The following GBE1 variants were observed in gnomAD, a reference collection of about 807,000 sequenced individuals.
GBE1 encodes the protein 1,4-alpha-glucan branching enzyme 1, also known as 1,4-alpha-glucan-branching enzyme.
Under a neutral mutation model 88.8 loss-of-function variants are expected in GBE1, and 70 were observed. That is an observed-to-expected ratio of 0.79 (90% CI 0.65 to 0.96). The LOEUF (loss-of-function observed/expected upper bound fraction) is 0.96. GBE1 is among the 40% of genes least tolerant of loss of function. The probability of loss-of-function intolerance (pLI) is 0.00; values close to 1 mark genes in which losing one functional copy is unlikely to be tolerated. For synonymous variants in GBE1, 284 were observed against 300.1 expected (o/e 0.95, Z 0.56); for missense variants, 872 against 871.0 (o/e 1.00, Z -0.01).
At chr3:81,563,508 G>A (rs983918752) in intron 12 of GBE1, among the ~76,000 whole-genome samples, 1 of 152,172 alleles carries the variant, frequency 6.6e-6, no homozygotes, top group East Asian at 1.9e-4. Flanking sequence ...AATTGAAGAT[G>A]TAACACCAAA....
chr3:81,757,059 A>G (rs866320832), intron 1 of GBE1, among the ~76,000 whole-genome samples: 38 of 152,208 alleles, frequency 2.5e-4, no homozygotes, highest in African/African-American at 8.9e-4. Flanking sequence ...ATTTTTCCAG[A>G]TGCCCCAATT....
intron 7 of GBE1, among the ~76,000 whole-genome samples, chr3:81,621,913 A>G (rs1378656563): frequency 1.3e-5 from 2 of 152,068 alleles, no homozygotes; most frequent in Non-Finnish European, 2.9e-5. Flanking sequence ...ACCCAATCAA[A>G]TCTACCTCTT....
intron 12 of GBE1, among the ~76,000 whole-genome samples, chr3:81,568,875 T>C (rs533419425): frequency 1.1e-3 from 162 of 152,154 alleles, no homozygotes; most frequent in African/African-American, 3.7e-3. Context: ...GAGATAACAT[T>C]TATACACAGA....
chr3:81,655,178 A>AAC (rs1704915518), intron 3 of GBE1, among the ~76,000 whole-genome samples: 1 of 152,138 alleles, frequency 6.6e-6, no homozygotes, highest in Non-Finnish European at 1.5e-5. Flanking sequence ...ATAAGACTGA[A>AAC]ACACACACAC....
intron 14 of GBE1, among the ~76,000 whole-genome samples, chr3:81,530,151 G>A (rs1702993679): frequency 6.6e-6 from 1 of 151,640 alleles, no homozygotes; most frequent in South Asian, 2.1e-4. Context: ...TTCAGCCCCA[G>A]AATTTCTGCT....
intron 1 of GBE1, among the ~76,000 whole-genome samples, chr3:81,725,946 A>G (rs978497109): frequency 4.6e-5 from 7 of 152,158 alleles, no homozygotes; most frequent in African/African-American, 1.7e-4. Context: ...CATTCCCCAG[A>G]GTTGATGATG....
chr3:81,591,285 T>C, intron 8 of GBE1, 121 bp from the exon 9 acceptor site: 3 of 680,224 alleles, frequency 4.4e-6, no homozygotes, highest in Non-Finnish European at 6.9e-6. Flanking sequence ...TTTAATAACA[T>C]AAGCATCAGC....
At chr3:81,700,905 T>G (rs1184528752) in intron 2 of GBE1, among the ~76,000 whole-genome samples, 1 of 152,174 alleles carries the variant, frequency 6.6e-6, no homozygotes, top group Non-Finnish European at 1.5e-5. Context: ...TTAAATGAAA[T>G]GCTTTCCGTT....
At chr3:81,613,099 G>T in intron 7 of GBE1, 1 of 562,850 alleles carries the variant, frequency 1.8e-6, no homozygotes, top group South Asian at 1.9e-5. Context: ...GATGGATTCC[G>T]ACCTTCCTTT....
At chr3:81,593,278 T>C (rs1445389186) in intron 8 of GBE1, among the ~76,000 whole-genome samples, 2 of 151,576 alleles carry the variant, frequency 1.3e-5, no homozygotes, top group South Asian at 2.1e-4. Flanking sequence ...GGCAGGAGAA[T>C]TGCTTGAACC....
At chr3:81,750,630 C>T (rs9816775) in intron 1 of GBE1, among the ~76,000 whole-genome samples, 2,751 of 22,910 alleles carry the variant, frequency 0.12, 377 homozygotes, top group East Asian at 0.45. Flanking sequence ...TATATATATA[C>T]GTATATATAT....
At chr3:81,683,449 T>C (rs1258326095) in intron 2 of GBE1, among the ~76,000 whole-genome samples, 1 of 152,174 alleles carries the variant, frequency 6.6e-6, no homozygotes, top group East Asian at 1.9e-4. Context: ...TCAGGATGGA[T>C]AGCTGAAGAC....
At chr3:81,527,657 C>T (rs924563399) in intron 14 of GBE1, among the ~76,000 whole-genome samples, 2 of 152,090 alleles carry the variant, frequency 1.3e-5, no homozygotes, top group East Asian at 1.9e-4. Flanking sequence ...CAAATCAAAA[C>T]CACAATGAGA....
chr3:81,576,944 C>A (rs541880109), intron 12 of GBE1, among the ~76,000 whole-genome samples: 8 of 152,028 alleles, frequency 5.3e-5, no homozygotes, highest in East Asian at 3.9e-4. Flanking sequence ...ATTCAAAGAT[C>A]CAGGGCTTTT....
rs1440502400 is a variant in GBE1, at chr3:81,705,563, C to A, written c.194G>T (p.Gly65Val). ...ATAGCCTCTGGAAAACTTATCAATA[C>A]CACCTTCATTTTCTCCAATGTTCTT... ...ILKNIGENEGGIDKFSRGYES... is the reference protein window; with the variant it reads ...ILKNIGENEGVIDKFSRGYES... The change falls in exon 2 of 16, where the codon GGT (glycine) becomes GTT (valine). Residue 65 changes from glycine to valine, a missense_variant. Transcript: ENST00000429644. 6.3e-7 allele frequency: 1 copy of A among 1,585,510 alleles called. No homozygotes were observed. Among genetic ancestry groups the A allele is most frequent in the Non-Finnish European group, 8.6e-7 (1 of 1,164,662 alleles).
chr3:81,648,333 G>A (rs1204413740), intron 5 of GBE1, among the ~76,000 whole-genome samples: 1 of 152,052 alleles, frequency 6.6e-6, no homozygotes, highest in Admixed American at 6.5e-5. Flanking sequence ...TGTTTGTTAT[G>A]AAGACAGGAT....
intron 15 of GBE1, among the ~76,000 whole-genome samples, chr3:81,494,907 C>G (rs1219327333): frequency 6.6e-6 from 1 of 151,610 alleles, no homozygotes; most frequent in East Asian, 1.9e-4. Flanking sequence ...GTATTTTCCT[C>G]TAGGACTAAT....
intron 12 of GBE1, among the ~76,000 whole-genome samples, chr3:81,554,900 C>T (rs1703325748): frequency 6.6e-6 from 1 of 152,132 alleles, no homozygotes. Context: ...ATAACTTAAT[C>T]AAAGAGCCTG....
intron 3 of GBE1, among the ~76,000 whole-genome samples, chr3:81,651,647 C>A (rs1454924938): frequency 6.6e-6 from 1 of 152,102 alleles, no homozygotes; most frequent in Non-Finnish European, 1.5e-5. Context: ...CTTTTGCTCA[C>A]TCATCAACCC....
Sources: gnomAD v4.1 joint callset for allele counts (sites outside exome capture counted in the v4.1 genomes callset) on GRCh38, gnomAD v4.1.1 for gene constraint, MANE v1.5 for transcripts, NCBI Gene and HGNC (gene_info 2026-07-23, HGNC 2026-07-21) for gene names.